Variants in CELF2 observed in about 807,000 individuals in gnomAD.
The protein encoded by CELF2 is CUG triplet repeat RNA-binding protein 2.
CELF2 carries 8 observed loss-of-function variants against 62.6 expected under a neutral mutation model. The observed-to-expected ratio is 0.13, with a 90% CI of 0.07 to 0.23. CELF2 has a LOEUF of 0.23. Ranked by LOEUF, CELF2 falls within the 10% of genes least tolerant of loss-of-function variation. The probability of loss-of-function intolerance (pLI) is 1.00; values close to 1 mark genes in which losing one functional copy is unlikely to be tolerated. For synonymous variants in CELF2, 258 were observed against 250.0 expected, an observed-to-expected ratio of 1.03 and a Z score of -0.30; for missense variants, 333 against 671.0, an observed-to-expected ratio of 0.50 and a Z score of 5.56.
At chr10:10,504,816 T>A in the CELF2 span, among the ~76,000 whole-genome samples, 1 of 152,186 alleles carries the variant, frequency 6.6e-6, no homozygotes, top group Admixed American at 6.5e-5. Flanking sequence ...CATTCTGCTG[T>A]TGAATGCATC....
the CELF2 span, among the ~76,000 whole-genome samples, chr10:10,766,518 C>A: frequency 6.6e-6 from 1 of 152,166 alleles, no homozygotes; most frequent in African/African-American, 2.4e-5. Flanking sequence ...AAGGGACCTG[C>A]CACTAGTGTC....
the CELF2 span, among the ~76,000 whole-genome samples, chr10:10,768,797 C>T: frequency 1.3e-5 from 2 of 152,118 alleles, no homozygotes; most frequent in Non-Finnish European, 1.5e-5. Context: ...TGGTGTCAAA[C>T]TCCTGACCTC....
rs2048042451 is a variant in CELF2, at chr10:11,090,579, A to T, written c.74+72416A>T. On this transcript the variant is annotated intron_variant, in intron 1 of 12. Transcript: ENST00000633077. ...TTTTAATTTGGAAATGTACATATTGAAATTATAGCATTATATATAATCTTG... is the reference window on the plus strand; with the variant it reads ...TTTTAATTTGGAAATGTACATATTGTAATTATAGCATTATATATAATCTTG... 2.0e-5 allele frequency among the ~76,000 whole-genome samples: 3 copies of T among 152,354 alleles called. No individual in the cohort carries two copies. In the South Asian group the frequency reaches 6.2e-4, roughly 32 times the overall value.
intron 3 of CELF2, among the ~76,000 whole-genome samples, chr10:11,231,500 G>A (rs775837512): frequency 6.6e-6 from 1 of 152,140 alleles, no homozygotes; most frequent in Non-Finnish European, 1.5e-5. Flanking sequence ...ATATCTGCTT[G>A]ATGGGGTGTC....
In CELF2 at chr10:11,145,362, G is replaced by A. The variant is rs750406042; in HGVS notation, c.75-20124G>A. On this transcript the variant is annotated intron_variant, in intron 1 of 12. Transcript: ENST00000633077. This position sits in a 1 kb window ranked among gnomAD's most constrained non-coding sequence, Gnocchi z 4.3. ...TTTGCAGGAGTGTCAGGATTCAGGA[G>A]CGTCTCTGAAAGGTGCTTTGTGCTG... Among the ~76,000 whole-genome samples the A allele has an allele frequency of 6.6e-6, 1 of 152,212 alleles. No individual in the cohort carries two copies. The highest frequency in any genetic ancestry group is 1.5e-5 in the Non-Finnish European group (1 of 68,036).
chr10:11,255,495 C>A lies in CELF2; in HGVS notation c.404-2243C>A, dbSNP rs1469219363. 6.6e-6 allele frequency among the ~76,000 whole-genome samples: 1 copy of A among 152,160 alleles called. No individual in the cohort carries two copies. Among genetic ancestry groups the A allele is most frequent in the Non-Finnish European group, 1.5e-5 (1 of 68,026 alleles). On this transcript the variant is annotated intron_variant, in intron 4 of 12. Transcript: ENST00000633077. The surrounding 1 kb of genome is among the most constrained non-coding windows in gnomAD (Gnocchi z 5.5). Reference sequence around the variant, plus strand: ...TCTCCCACCTCCAGTCTCTCCAGACCCTTCGTCCAGCTTCAATTCCACATC... The same window carrying A: ...TCTCCCACCTCCAGTCTCTCCAGACACTTCGTCCAGCTTCAATTCCACATC...
At position 10,856,786 on chromosome 10, in the gene CELF2, T is replaced by C. The variant is rs574445245; in HGVS notation, c.53+57969T>C. Among the ~76,000 whole-genome samples the C allele has an allele frequency of 3.9e-5, 6 of 152,304 alleles. No homozygotes were observed. The East Asian group carries it at 1.2e-3, about 29-fold the overall frequency. On this transcript the variant is annotated intron_variant, in intron 1 of 13. Coordinates refer to the CELF2 transcript ENST00000636488. ...TATCTTATTGATTGGGTGATTCCCA[T>C]TGGCTTTATAACATTGCTGTAGTAT...
the CELF2 span, among the ~76,000 whole-genome samples, chr10:10,531,680 AGGTTGAT>A: frequency 6.6e-6 from 1 of 152,206 alleles, no homozygotes; most frequent in East Asian, 1.9e-4. Context: ...CGGGAGGAAG[AGGTTGAT>A]GGTAAAGTCT....
In CELF2 at chr10:11,316,367, G is replaced by A. The variant is rs969977078; in HGVS notation, c.1096+2109G>A. Among the ~76,000 whole-genome samples the A allele has an allele frequency of 6.6e-6, 1 of 152,206 alleles. No individual in the cohort carries two copies. On this transcript the variant is annotated intron_variant, in intron 10 of 12. Coordinates refer to ENST00000633077, the MANE Select transcript of CELF2 (RefSeq NM_001326342.2). The surrounding 1 kb of genome is among the most constrained non-coding windows in gnomAD (Gnocchi z 4.4). The stretch of plus-strand genomic sequence containing the variant: ...AATACATTCCTTGTGATTGGAAAGT[G>A]TTACTAATGCAGAGCCGTTTTACAA...
chr10:11,123,889 T>A (rs1227861721), intron 1 of CELF2, among the ~76,000 whole-genome samples: 3 of 152,202 alleles, frequency 2.0e-5, no homozygotes, highest in Non-Finnish European at 2.9e-5. Context: ...TATTGGTCAG[T>A]TCTCATGCTG....
chr10:11,043,996 A>C (rs544312265), intron 1 of CELF2, among the ~76,000 whole-genome samples: 17 of 152,114 alleles, frequency 1.1e-4, no homozygotes, highest in Non-Finnish European at 2.1e-4. Context: ...CACCCTCTTC[A>C]GGTTGTCTGT....
At chr10:10,472,217 A>T in the CELF2 span, among the ~76,000 whole-genome samples, 1 of 151,676 alleles carries the variant, frequency 6.6e-6, no homozygotes, top group African/African-American at 2.4e-5. Context: ...GCGGTTGCAT[A>T]TTGGATAGCC....
chr10:11,331,647 C>G lies in CELF2; in HGVS notation c.*2594C>G, dbSNP rs1387606872. On this transcript the variant is annotated 3_prime_UTR_variant, in exon 13 of 13. Coordinates refer to ENST00000633077, the MANE Select transcript of CELF2 (RefSeq NM_001326342.2). ...AAAAAAAGGTTACAAAGTTTGTTAACTTGCTATCCTGTGGTCTTGTTGCCT... is the reference window on the plus strand; with the variant it reads ...AAAAAAAGGTTACAAAGTTTGTTAAGTTGCTATCCTGTGGTCTTGTTGCCT... 5 of 151,888 alleles carry G rather than the reference C, an allele frequency of 3.3e-5. No individual in the cohort carries two copies. The allele number at this position is 151,888 out of a possible 1,614,324, so 9.4% of individuals were successfully genotyped here. A position where few individuals can be genotyped will look rare whatever the true frequency, so the allele number is the denominator to read the frequency against.
chr10:11,043,976 G>T (rs1001751033), intron 1 of CELF2, among the ~76,000 whole-genome samples: 1 of 152,138 alleles, frequency 6.6e-6, no homozygotes, highest in African/African-American at 2.4e-5. Context: ...GTCCTGTGAC[G>T]CTGCCAGCAC....
Position 11,314,357 on chromosome 10 carries a change from C to A in CELF2, c.1096+99C>A. On this transcript the variant is annotated intron_variant, in intron 10 of 12. Transcript: ENST00000633077. The surrounding 1 kb of genome is among the most constrained non-coding windows in gnomAD (Gnocchi z 5.3). ...CAGAAATGACCCGAAAAAGGATATG[C>A]CACGGGGAGAACTAAAACTTGGGAT... 6 of 1,516,264 alleles carry A rather than the reference C, an allele frequency of 4.0e-6. No individual in the cohort carries two copies. Among genetic ancestry groups the A allele is most frequent in the Non-Finnish European group, 4.6e-6 (5 of 1,094,036 alleles). The allele number at this position is 1,516,264 out of a possible 1,614,324, so 93.9% of individuals were successfully genotyped here.
At chr10:10,822,998 A>G (rs1389041435) in intron 1 of CELF2, among the ~76,000 whole-genome samples, 1 of 152,188 alleles carries the variant, frequency 6.6e-6, no homozygotes. Context: ...GATTTTTTAG[A>G]AATAGTTTAC....
At chr10:10,538,682 G>T in the CELF2 span, among the ~76,000 whole-genome samples, 1 of 152,044 alleles carries the variant, frequency 6.6e-6, no homozygotes, top group Admixed American at 6.6e-5. Context: ...GTAGCAGTTT[G>T]GTATTGAGAC....
chr10:10,712,066 T>C, the CELF2 span, among the ~76,000 whole-genome samples: 1 of 145,878 alleles, frequency 6.9e-6, no homozygotes, highest in East Asian at 2.0e-4. Context: ...CACTTTTCCC[T>C]GAATTTCCTC....
the CELF2 span, among the ~76,000 whole-genome samples, chr10:10,491,878 C>G: frequency 2.0e-5 from 3 of 152,098 alleles, no homozygotes; most frequent in Admixed American, 2.0e-4. Flanking sequence ...CCCAAATGAT[C>G]GTCTTTTCAT....
Sources: gnomAD v4.1 joint callset for allele counts (sites outside exome capture counted in the v4.1 genomes callset) on GRCh38, gnomAD v4.1.1 for gene constraint, Gnocchi (gnomAD v3.1) non-coding constraint, MANE v1.5 for transcripts, NCBI Gene and HGNC (gene_info 2026-07-23, HGNC 2026-07-21) for gene names.